The following GRM3 variants were observed in gnomAD, a reference collection of about 807,000 sequenced individuals.
The protein encoded by GRM3 is glutamate metabotropic receptor 3.
A neutral mutation model predicts 70.5 loss-of-function variants in GRM3; 26 were observed. The observed-to-expected ratio is 0.37, with a 90% CI of 0.27 to 0.51. The LOEUF (loss-of-function observed/expected upper bound fraction) is 0.51, where lower values mean the gene tolerates loss of function less well. GRM3 is among the 20% of genes least tolerant of loss of function. GRM3 has a pLI of 0.93. For synonymous variants in GRM3, 443 were observed against 434.9 expected (o/e 1.02, Z -0.23); for missense variants, 859 against 1,123.8 (o/e 0.76, Z 3.37).
intron 1 of GRM3, among the ~76,000 whole-genome samples, chr7:86,711,752 G>T (rs909404307): frequency 1.3e-5 from 2 of 151,996 alleles, no homozygotes; most frequent in African/African-American, 4.8e-5. Context: ...TTTTTGGTTT[G>T]CTGGATTCAT....
chr7:86,790,270 C>T (rs1179520046), intron 3 of GRM3, among the ~76,000 whole-genome samples: 3 of 152,156 alleles, frequency 2.0e-5, no homozygotes, highest in South Asian at 4.1e-4. Context: ...TGCCCATATC[C>T]ATCTGGGATT....
chr7:86,802,561 A>G (rs1797705868), intron 3 of GRM3, among the ~76,000 whole-genome samples: 2 of 151,990 alleles, frequency 1.3e-5, no homozygotes, highest in South Asian at 4.1e-4. Flanking sequence ...AATATTTGCA[A>G]TATCATACTG....
chr7:86,672,687 G>C (rs1234600725), intron 1 of GRM3, among the ~76,000 whole-genome samples: 1 of 152,068 alleles, frequency 6.6e-6, no homozygotes. Context: ...ACCCCCAGTG[G>C]TAGATGCAAC....
At chr7:86,807,005 C>A (rs1273053152) in intron 3 of GRM3, among the ~76,000 whole-genome samples, 2 of 120,842 alleles carry the variant, frequency 1.7e-5, no homozygotes, top group African/African-American at 7.9e-5. Context: ...AATAGGAAAT[C>A]CTTTCCCCAT....
intron 3 of GRM3, chr7:86,832,946 G>A (rs781531884): frequency 1.7e-5 from 15 of 881,998 alleles, no homozygotes; most frequent in Non-Finnish European, 2.0e-5. Flanking sequence ...CTTGAAATTA[G>A]AGTTTGGAGA....
chr7:86,657,206 C>T (rs1011930854), intron 1 of GRM3, among the ~76,000 whole-genome samples: 25 of 152,180 alleles, frequency 1.6e-4, no homozygotes, highest in African/African-American at 6.0e-4. Context: ...TTTCAAGGCA[C>T]TGGGCAAGGT....
In GRM3 at chr7:86,765,337, A is replaced by T; in HGVS notation, c.192A>T (p.Arg64=). 1.2e-6 allele frequency: 2 copies of T among 1,613,926 alleles called. No homozygotes were observed. The highest frequency in any genetic ancestry group is 1.7e-6 in the Non-Finnish European group (2 of 1,179,872). Residue 64 remains arginine, a synonymous_variant, in exon 2 of 6, where the codon CGA becomes CGT. Transcript: ENST00000361669. ...TEECGRINED[R]GIQRLEAMLF... ...AATGTGGGCGAATCAATGAAGACCG[A>T]GGGATTCAACGCCTGGAAGCCATGT...
At chr7:86,695,544 G>A (rs1346162978) in intron 1 of GRM3, among the ~76,000 whole-genome samples, 1 of 152,154 alleles carries the variant, frequency 6.6e-6, no homozygotes, top group Non-Finnish European at 1.5e-5. Context: ...TTAAAGGACG[G>A]GAAAGCTGAG....
At chr7:86,766,244 G>A (rs1240629210) in intron 2 of GRM3, among the ~76,000 whole-genome samples, 1 of 151,866 alleles carries the variant, frequency 6.6e-6, no homozygotes, top group Non-Finnish European at 1.5e-5. Flanking sequence ...AACACAGGAA[G>A]GCATAATGTC....
chr7:86,753,789 A>G (rs1796283888), intron 1 of GRM3, among the ~76,000 whole-genome samples: 1 of 152,108 alleles, frequency 6.6e-6, no homozygotes, highest in Non-Finnish European at 1.5e-5. Context: ...ATTTACCACC[A>G]GTGGTGTGCT....
intron 1 of GRM3, among the ~76,000 whole-genome samples, chr7:86,707,415 C>T (rs373463521): frequency 3.3e-5 from 5 of 151,974 alleles, no homozygotes; most frequent in East Asian, 3.9e-4. Flanking sequence ...GGAGGGCTTC[C>T]GTGACAGAGA....
chr7:86,671,220 C>A (rs1461931138), intron 1 of GRM3, among the ~76,000 whole-genome samples: 1 of 152,094 alleles, frequency 6.6e-6, no homozygotes, highest in East Asian at 1.9e-4. Flanking sequence ...TTTTTGTTTT[C>A]CCCAGTTTCA....
chr7:86,681,561 T>C (rs1375131796), intron 1 of GRM3, among the ~76,000 whole-genome samples: 1 of 152,032 alleles, frequency 6.6e-6, no homozygotes, highest in Non-Finnish European at 1.5e-5. Context: ...TAGCAAAGAC[T>C]TTGGTGGCTG....
chr7:86,841,329 G>A (rs1000590844), intron 4 of GRM3, among the ~76,000 whole-genome samples: 3 of 152,116 alleles, frequency 2.0e-5, no homozygotes, highest in Middle Eastern at 3.2e-3. Context: ...GTTCAATGTT[G>A]TGGGGCAAGA....
At chr7:86,755,538 A>C (rs1041308208) in intron 1 of GRM3, among the ~76,000 whole-genome samples, 3 of 152,166 alleles carry the variant, frequency 2.0e-5, no homozygotes, top group African/African-American at 7.2e-5. Flanking sequence ...AAGATGGAGA[A>C]ATGCTCAAAG....
chr7:86,833,244 T>G (rs1308436266), intron 3 of GRM3: 3 of 91,930 alleles, frequency 3.3e-5, no homozygotes, highest in Admixed American at 1.6e-4. Context: ...TGGGGACTGT[T>G]GTGGGGTGGG....
intron 2 of GRM3, among the ~76,000 whole-genome samples, chr7:86,779,661 G>C (rs912451226): frequency 3.9e-5 from 6 of 152,202 alleles, no homozygotes; most frequent in Non-Finnish European, 8.8e-5. Flanking sequence ...ATGAGGGAAT[G>C]AAAGAGGCTC....
In GRM3 at chr7:86,644,562, A is replaced by C. The variant is rs1793406029; in HGVS notation, c.-451A>C. The C allele has an allele frequency of 2.5e-6, 1 of 398,080 alleles. No individual in the cohort carries two copies. 24.7% of individuals were successfully genotyped at this position (398,080 alleles called of 1,614,324 possible). ...TTCCCCAACCTCCTCCCTCTCTTCT[A>C]CTCCACCCCTCCGTTTTCCCACTCC... On this transcript the variant is annotated 5_prime_UTR_variant, in exon 1 of 6. Coordinates refer to ENST00000361669, the MANE Select transcript of GRM3 (RefSeq NM_000840.3).
intron 5 of GRM3, among the ~76,000 whole-genome samples, chr7:86,852,149 C>G (rs570720618): frequency 6.6e-6 from 1 of 152,096 alleles, no homozygotes; most frequent in Admixed American, 6.6e-5. Flanking sequence ...ACTACTGTAT[C>G]GTGCAGCCTC....
Sources: allele counts gnomAD v4.1 joint callset (sites outside exome capture counted in the v4.1 genomes callset), GRCh38; gene constraint gnomAD v4.1.1; transcripts MANE v1.5; gene names NCBI Gene and HGNC (gene_info 2026-07-23, HGNC 2026-07-21).